ANO10: variants seen among roughly 807,000 people sequenced by gnomAD.
ANO10 encodes anoctamin 10.
A neutral mutation model predicts 74.7 loss-of-function variants in ANO10; 77 were observed. The observed-to-expected ratio is 1.03, with a 90% CI of 0.86 to 1.25. The LOEUF is 1.25. Ranked by LOEUF, ANO10 falls within the 50% of genes most tolerant of loss-of-function variation. The pLI is 0.00. For missense variants in ANO10, 721 were observed against 778.1 expected (o/e 0.93, Z 0.87); for synonymous variants, 279 against 284.9 (o/e 0.98, Z 0.21).
In ANO10 at chr3:43,565,732, CAAAAAAA is replaced by C. The variant is rs367784953; in HGVS notation, c.1219-12_1219-6del. ...AAAGCAATTGAGGAAGTTGAACTGC[CAAAAAAA>C]AAAAAAAAAAAGATAAGTGTTAAGC... is the stretch of plus-strand genomic sequence containing the variant. On this transcript the variant is annotated splice_region_variant and splice_polypyrimidine_tract_variant and intron_variant, in intron 7 of 12. Transcript: ENST00000292246. The C allele has an allele frequency of 7.1e-6, 9 of 1,276,044 alleles. No homozygotes were observed. The African/African-American group carries it at 8.4e-5, about 12-fold the overall frequency. 79.0% of individuals were successfully genotyped at this position (1,276,044 alleles called of 1,614,324 possible). A position where few individuals can be genotyped will look rare whatever the true frequency, so the allele number is the denominator to read the frequency against.
intron 4 of ANO10, among the ~76,000 whole-genome samples, chr3:43,588,134 A>G (rs2081562406): frequency 6.6e-6 from 1 of 152,222 alleles, no homozygotes; most frequent in African/African-American, 2.4e-5. Context: ...AGAACAAAAA[A>G]GAAAACAGAA....
intron 1 of ANO10, among the ~76,000 whole-genome samples, chr3:43,606,408 A>G (rs1011914282): frequency 6.6e-6 from 1 of 152,160 alleles, no homozygotes; most frequent in Non-Finnish European, 1.5e-5. Flanking sequence ...TTACAAAGGA[A>G]ATGGGCTTTG....
At chr3:43,604,227 C>T (rs1049500402) in intron 2 of ANO10, among the ~76,000 whole-genome samples, 1 of 152,078 alleles carries the variant, frequency 6.6e-6, no homozygotes, top group Non-Finnish European at 1.5e-5. Flanking sequence ...GTGTTGGGAA[C>T]ATTCAATATC....
chr3:43,521,036 A>G (rs2077932389), intron 11 of ANO10, among the ~76,000 whole-genome samples: 2 of 152,100 alleles, frequency 1.3e-5, no homozygotes, highest in African/African-American at 4.8e-5. Flanking sequence ...TATTCGTCTG[A>G]ATTGTTTTTA....
At chr3:43,435,324 C>A (rs115638313) in intron 11 of ANO10, among the ~76,000 whole-genome samples, 14,531 of 152,168 alleles carry the variant, frequency 0.095, 934 homozygotes, top group Non-Finnish European at 0.14. Context: ...GCCTGGACAA[C>A]TTGGGGAAAC....
chr3:43,371,348 ATG>A (rs2091604624), intron 12 of ANO10, among the ~76,000 whole-genome samples: 1 of 152,106 alleles, frequency 6.6e-6, no homozygotes, highest in Non-Finnish European at 1.5e-5. Context: ...GTGTCTAGGA[ATG>A]GAGTTCTCAG....
intron 11 of ANO10, among the ~76,000 whole-genome samples, chr3:43,449,592 T>C (rs970929302): frequency 4.8e-5 from 7 of 145,480 alleles, no homozygotes; most frequent in East Asian, 2.1e-4. Context: ...CCTTTCTCCA[T>C]TGAATTGCCT....
chr3:43,421,814 A>G (rs1345663135), intron 12 of ANO10, among the ~76,000 whole-genome samples: 1 of 150,350 alleles, frequency 6.7e-6, no homozygotes, highest in Non-Finnish European at 1.5e-5. Context: ...CTCCAGCCTG[A>G]GTGACGGAGT....
intron 1 of ANO10, among the ~76,000 whole-genome samples, chr3:43,669,437 G>C (rs1047627010): frequency 6.6e-6 from 1 of 152,086 alleles, no homozygotes; most frequent in African/African-American, 2.4e-5. Context: ...TTCACATTGA[G>C]TCTCCAGCAA....
At chr3:43,689,210 T>G (rs573920683) in intron 1 of ANO10, 1 of 152,302 alleles carries the variant, frequency 6.6e-6, no homozygotes, top group Admixed American at 6.5e-5. Flanking sequence ...ACATGAGATT[T>G]AGAGAGGACA....
At chr3:43,482,015 G>A (rs572497654) in intron 11 of ANO10, among the ~76,000 whole-genome samples, 109 of 144,856 alleles carry the variant, frequency 7.5e-4, no homozygotes, top group African/African-American at 2.6e-3. Flanking sequence ...TGCAACCTTC[G>A]CCTCCTGGGT....
At chr3:43,443,706 G>A (rs1250611579) in intron 11 of ANO10, among the ~76,000 whole-genome samples, 1 of 128,232 alleles carries the variant, frequency 7.8e-6, no homozygotes, top group Non-Finnish European at 1.6e-5. Context: ...TTTTGACGGA[G>A]TTTCACTCTT....
At chr3:43,506,965 T>C (rs879725408) in intron 11 of ANO10, among the ~76,000 whole-genome samples, 1 of 152,186 alleles carries the variant, frequency 6.6e-6, no homozygotes, top group Non-Finnish European at 1.5e-5. Context: ...AGGTTTTCCT[T>C]CCTTTTGTTC....
At chr3:43,690,848 G>A (rs1575595587) in intron 1 of ANO10, 6 of 810,240 alleles carry the variant, frequency 7.4e-6, no homozygotes, top group Non-Finnish European at 8.6e-6. Context: ...GCGCAAACGC[G>A]GGCGCGCCGC....
chr3:43,651,945 G>A (rs1453378317), intron 1 of ANO10, among the ~76,000 whole-genome samples: 1 of 152,124 alleles, frequency 6.6e-6, no homozygotes, highest in South Asian at 2.1e-4. Flanking sequence ...TGGGGGCCGG[G>A]AGTAATAAGG....
intron 6 of ANO10, among the ~76,000 whole-genome samples, chr3:43,576,400 A>C (rs936593775): frequency 4.6e-5 from 7 of 152,216 alleles, no homozygotes; most frequent in African/African-American, 1.7e-4. Flanking sequence ...AAAAGGGTGA[A>C]ATAACTTCTA....
chr3:43,643,683 C>CT (rs61487906), intron 1 of ANO10, among the ~76,000 whole-genome samples: 8,085 of 104,732 alleles, frequency 0.077, 376 homozygotes, highest in African/African-American at 0.12. Flanking sequence ...CTCATCTTTT[C>CT]TTTTTTTTTT....
chr3:43,566,583 C>T (rs2080362277), intron 7 of ANO10, among the ~76,000 whole-genome samples: 1 of 152,230 alleles, frequency 6.6e-6, no homozygotes, highest in Non-Finnish European at 1.5e-5. Flanking sequence ...TACACTGACA[C>T]CTCACACGGC....
chr3:43,666,041 T>C (rs2083987855), intron 1 of ANO10, among the ~76,000 whole-genome samples: 1 of 152,234 alleles, frequency 6.6e-6, no homozygotes, highest in African/African-American at 2.4e-5. Context: ...TTAAGTCATT[T>C]ACATGTTAAG....
Sources: allele counts gnomAD v4.1 joint callset (sites outside exome capture counted in the v4.1 genomes callset), GRCh38; gene constraint gnomAD v4.1.1; transcripts MANE v1.5; gene names NCBI Gene and HGNC (gene_info 2026-07-23, HGNC 2026-07-21).